Variants in CDC42BPB observed in about 807,000 individuals in gnomAD.
CDC42BPB encodes CDC42 binding protein kinase beta, also known as serine/threonine-protein kinase MRCK beta.
CDC42BPB carries 37 observed loss-of-function variants against 214.9 expected under a neutral mutation model. The observed-to-expected ratio is 0.17, with a 90% CI of 0.13 to 0.23. CDC42BPB has a LOEUF of 0.23. Among genes scored for constraint, CDC42BPB ranks in the 10% least tolerant of loss-of-function variants. CDC42BPB has a pLI of 1.00. For missense variants in CDC42BPB, 1,694 were observed against 2,227.0 expected (o/e 0.76, Z 4.82); for synonymous variants, 931 against 884.0 (o/e 1.05, Z -0.94).
chr14:103,022,988 T>C (rs1886855897), intron 1 of CDC42BPB, among the ~76,000 whole-genome samples: 2 of 151,700 alleles, frequency 1.3e-5, no homozygotes, highest in Admixed American at 6.6e-5. Flanking sequence ...CCCACAGATA[T>C]AGCTATTTTT....
At chr14:102,940,205 G>A (rs992683295) in intron 31 of CDC42BPB, 22 bp downstream of exon 31, 2 of 1,609,352 alleles carry the variant, frequency 1.2e-6, no homozygotes, top group Non-Finnish European at 1.7e-6. Flanking sequence ...GCCCGCACAG[G>A]AGGGCACCGA....
chr14:102,997,316 C>T (rs1272686602), intron 5 of CDC42BPB, among the ~76,000 whole-genome samples: 3 of 152,156 alleles, frequency 2.0e-5, no homozygotes, highest in Admixed American at 2.0e-4. Flanking sequence ...GGATAAAGCA[C>T]CAGTCACAGA....
chr14:102,945,983 C>T (rs551212306), intron 28 of CDC42BPB, among the ~76,000 whole-genome samples: 48 of 152,096 alleles, frequency 3.2e-4, no homozygotes, highest in Non-Finnish European at 5.6e-4. Context: ...CAGGCTTAGC[C>T]GGGGCCAACT....
In CDC42BPB at chr14:102,941,590, G is replaced by A. The variant is rs1390327404; in HGVS notation, c.4409-1266C>T. 4.1e-6 allele frequency: 4 copies of A among 982,332 alleles called. No homozygotes were observed. The African/African-American group carries it at 7.0e-5, about 17-fold the overall frequency. 60.9% of individuals were successfully genotyped at this position (982,332 alleles called of 1,614,324 possible). A position where few individuals can be genotyped will look rare whatever the true frequency, so the allele number is the denominator to read the frequency against. The stretch of plus-strand genomic sequence containing the variant: ...CGGGCTTCTGGGAAGGCCCTTGCCT[G>A]CCGAGTATGTGGGGATTCGCTTGCA... On this transcript the variant is annotated intron_variant, in intron 30 of 36. Transcript: ENST00000361246.
rs545529732 is a variant in CDC42BPB at position 103,056,528 on chromosome 14, C to A, written c.175+471G>T. Among the ~76,000 whole-genome samples the A allele has an allele frequency of 1.6e-4, 25 of 151,792 alleles. No homozygotes were observed. In the East Asian group the frequency reaches 4.1e-3, roughly 25 times the overall value. On this transcript the variant is annotated intron_variant, in intron 1 of 36. Transcript: ENST00000361246. ...AGAAGCGTGGGGTGGGGAAAGGGAACTAATTCCACACTGCCTCCGGACCCC... is the reference window on the plus strand; with the variant it reads ...AGAAGCGTGGGGTGGGGAAAGGGAAATAATTCCACACTGCCTCCGGACCCC...
At position 102,950,451 on chromosome 14, in the gene CDC42BPB, G is replaced by GTC. The variant is rs1892435668; in HGVS notation, c.3309+14_3309+15insGA. On this transcript the variant is annotated intron_variant, in intron 25 of 36. Transcript: ENST00000361246. Reference sequence around the variant, plus strand: ...ACAGGCACCGAGGGCTGAGGGCGGAGATGAAGCCGCCTACCTTGACATGGC... The same window carrying GTC: ...ACAGGCACCGAGGGCTGAGGGCGGAGTCATGAAGCCGCCTACCTTGACATGGC... 6.2e-7 allele frequency: 1 copy of GTC among 1,612,232 alleles called. No homozygotes were observed. The highest frequency in any genetic ancestry group is 1.7e-5 in the Admixed American group (1 of 59,956).
At chr14:102,961,700 C>T (rs565834467) in intron 20 of CDC42BPB, among the ~76,000 whole-genome samples, 11 of 152,144 alleles carry the variant, frequency 7.2e-5, no homozygotes, top group Non-Finnish European at 1.2e-4. Flanking sequence ...TGCACCACCA[C>T]GCCCAGCTAA....
At chr14:102,940,175 G>C in intron 31 of CDC42BPB, 45 bp from the exon 32 acceptor site, 2 of 1,613,610 alleles carry the variant, frequency 1.2e-6, no homozygotes, top group Non-Finnish European at 1.7e-6. Flanking sequence ...GCCACGCACA[G>C]ACTGCACCGG....
chr14:102,992,664 A>G (rs1894546368), intron 5 of CDC42BPB, among the ~76,000 whole-genome samples: 1 of 152,102 alleles, frequency 6.6e-6, no homozygotes, highest in Non-Finnish European at 1.5e-5. Context: ...TTTGTCTCAC[A>G]TTACTTTAGC....
intron 13 of CDC42BPB, among the ~76,000 whole-genome samples, chr14:102,971,282 A>G (rs932085213): frequency 6.6e-5 from 10 of 152,264 alleles, no homozygotes; most frequent in African/African-American, 2.4e-4. Context: ...TTCATTAAAC[A>G]TGTTACTTAT....
At chr14:103,014,389 G>T (rs1886341886) in intron 1 of CDC42BPB, among the ~76,000 whole-genome samples, 1 of 151,366 alleles carries the variant, frequency 6.6e-6, no homozygotes, top group Admixed American at 6.6e-5. Flanking sequence ...TTTATGCTAG[G>T]TTTTTTTTTG....
In CDC42BPB at chr14:102,933,605, A is replaced by G; in HGVS notation, c.*107T>C. ...TTGTCTTCTTCATCTCCATATCTAC[A>G]AAGTGATTCTACATTTCCTTGGACA... On this transcript the variant is annotated 3_prime_UTR_variant, in exon 37 of 37. Coordinates refer to ENST00000361246, the MANE Select transcript of CDC42BPB (RefSeq NM_006035.4). 2.3e-6 allele frequency: 2 copies of G among 883,668 alleles called. No individual in the cohort carries two copies. Among genetic ancestry groups the G allele is most frequent in the South Asian group, 2.4e-5 (1 of 41,772 alleles). 54.7% of individuals were successfully genotyped at this position (883,668 alleles called of 1,614,324 possible). A position where few individuals can be genotyped will look rare whatever the true frequency, so the allele number is the denominator to read the frequency against.
chr14:102,964,008 T>C (rs1893074043), intron 19 of CDC42BPB, among the ~76,000 whole-genome samples: 1 of 17,668 alleles, frequency 5.7e-5, no homozygotes, highest in Admixed American at 2.5e-4. Context: ...CAGCAAATAC[T>C]GACTGAATCA....
intron 2 of CDC42BPB, among the ~76,000 whole-genome samples, chr14:103,011,211 C>T (rs1886138828): frequency 6.6e-6 from 1 of 152,230 alleles, no homozygotes; most frequent in Admixed American, 6.5e-5. Flanking sequence ...CCACGGGCCT[C>T]CTGGGGCAGG....
At position 102,949,920 on chromosome 14, in the gene CDC42BPB, A is replaced by C. The variant is rs1892405312; in HGVS notation, c.3310-16T>G. 1.2e-5 allele frequency: 20 copies of C among 1,611,940 alleles called. No individual in the cohort carries two copies. The highest frequency in any genetic ancestry group is 1.7e-5 in the Non-Finnish European group (20 of 1,179,096). On this transcript the variant is annotated splice_polypyrimidine_tract_variant and intron_variant, in intron 25 of 36. Transcript: ENST00000361246. ...GCTTTGGGACCTATGAATAAAAACAAACAGTGGCCACGTTCCACCAGGCCA... is the reference window on the plus strand; with the variant it reads ...GCTTTGGGACCTATGAATAAAAACACACAGTGGCCACGTTCCACCAGGCCA...
Position 102,938,175 on chromosome 14 carries a change from C to T in CDC42BPB, c.4934-1G>A. On this transcript the variant is annotated splice_acceptor_variant, in intron 35 of 36. Coordinates refer to ENST00000361246, the MANE Select transcript of CDC42BPB (RefSeq NM_006035.4). LOFTEE classifies it high-confidence loss of function. The stretch of plus-strand genomic sequence containing the variant: ...ACAGTCACGCTAGGCTCCGATCCAC[C>T]TACAGAACAAGGACAGCTTTCCTCT... 6.2e-7 allele frequency: 1 copy of T among 1,613,276 alleles called. No homozygotes were observed.
At chr14:103,031,079 T>C (rs1887344975) in intron 1 of CDC42BPB, among the ~76,000 whole-genome samples, 2 of 151,482 alleles carry the variant, frequency 1.3e-5, no homozygotes, top group African/African-American at 2.4e-5. Flanking sequence ...CTGAGTTACT[T>C]TTTTTTTAAT....
At chr14:103,042,532 C>A (rs557774765) in intron 1 of CDC42BPB, among the ~76,000 whole-genome samples, 1 of 152,200 alleles carries the variant, frequency 6.6e-6, no homozygotes, top group South Asian at 2.1e-4. Flanking sequence ...GGATGGTCTC[C>A]ATCTCCTGAC....
Position 102,933,280 on chromosome 14 carries a change from T to G in CDC42BPB, c.*432A>C, listed in dbSNP as rs906469572. On this transcript the variant is annotated 3_prime_UTR_variant, in exon 37 of 37. Transcript: ENST00000361246. ...GTGACACTGGGAATGCTATAGGACCTCCTACTATTCTCTTAAGGTCCTAGG... is the reference window on the plus strand; with the variant it reads ...GTGACACTGGGAATGCTATAGGACCGCCTACTATTCTCTTAAGGTCCTAGG... 1 of 158,816 alleles carries G rather than the reference T, an allele frequency of 6.3e-6. No homozygotes were observed. Among genetic ancestry groups the G allele is most frequent in the Non-Finnish European group, 1.4e-5 (1 of 72,718 alleles). 9.8% of individuals were successfully genotyped at this position (158,816 alleles called of 1,614,324 possible).
Sources: gnomAD v4.1 joint callset for allele counts (sites outside exome capture counted in the v4.1 genomes callset) on GRCh38, gnomAD v4.1.1 for gene constraint, MANE v1.5 for transcripts, NCBI Gene and HGNC (gene_info 2026-07-23, HGNC 2026-07-21) for gene names.